The following FANCC variants were observed in gnomAD, a reference collection of about 807,000 sequenced individuals.
FANCC encodes FA complementation group C, also known as Fanconi anemia group C protein.
FANCC carries 55 observed loss-of-function variants against 71.3 expected under a neutral mutation model. That is an observed-to-expected ratio of 0.77 (90% CI 0.62 to 0.97). The LOEUF is 0.97. Among genes scored for constraint, FANCC ranks in the 50% least tolerant of loss-of-function variants. The probability of loss-of-function intolerance (pLI) is 0.00; values close to 1 mark genes in which losing one functional copy is unlikely to be tolerated. For missense variants in FANCC, 678 were observed against 670.9 expected (o/e 1.01, Z -0.12); for synonymous variants, 275 against 244.9 (o/e 1.12, Z -1.15).
chr9:95,144,369 C>A (rs1474093664), intron 7 of FANCC, among the ~76,000 whole-genome samples: 1 of 152,188 alleles, frequency 6.6e-6, no homozygotes, highest in East Asian at 1.9e-4. Flanking sequence ...ACTTTCCAAA[C>A]CAAATAAATT....
intron 6 of FANCC, among the ~76,000 whole-genome samples, chr9:95,166,780 T>C (rs542616036): frequency 6.6e-6 from 1 of 152,252 alleles, no homozygotes; most frequent in Admixed American, 6.5e-5. Context: ...CATCTATAGA[T>C]TTTGGTATGT....
intron 6 of FANCC, 92 bp downstream of exon 6, chr9:95,170,987 A>G (rs1825641239): frequency 1.1e-6 from 1 of 900,060 alleles, no homozygotes; most frequent in Non-Finnish European, 1.9e-6. Context: ...ATAACTGAAC[A>G]TCCATTTCCT....
chr9:95,150,003 A>T lies in FANCC; in HGVS notation c.606T>A (p.Ala202=). 6.2e-7 allele frequency: 1 copy of T among 1,613,958 alleles called. No individual in the cohort carries two copies. The highest frequency in any genetic ancestry group is 8.5e-7 in the Non-Finnish European group (1 of 1,179,994). Residue 202 remains alanine (A), a synonymous_variant, in exon 7 of 15, where the codon GCT becomes GCA. Coordinates refer to ENST00000289081, the MANE Select transcript of FANCC (RefSeq NM_000136.3). ...TLTDVDPLVE[A]LLICHGREPQ... ...GTTCACGTCCATGACAGATGAGGAG[A>T]GCCTCCACCAGGGGGTCAACATCTG...
intron 4 of FANCC, among the ~76,000 whole-genome samples, chr9:95,220,222 G>T (rs1829148807): frequency 6.6e-6 from 1 of 152,138 alleles, no homozygotes; most frequent in Non-Finnish European, 1.5e-5. Flanking sequence ...GAAACAACAG[G>T]TGCTGGAGAG....
At chr9:95,313,990 A>C (rs1357593228) in intron 1 of FANCC, among the ~76,000 whole-genome samples, 1 of 152,230 alleles carries the variant, frequency 6.6e-6, no homozygotes, top group Non-Finnish European at 1.5e-5. Flanking sequence ...CTAATGGTAA[A>C]AGATTAAATG....
At chr9:95,189,105 T>C (rs367775091) in intron 4 of FANCC, among the ~76,000 whole-genome samples, 2 of 152,150 alleles carry the variant, frequency 1.3e-5, no homozygotes, top group Non-Finnish European at 2.9e-5. Context: ...TTTATTCCCA[T>C]CCCTTTTGCA....
rs56154950 is a variant in FANCC at position 95,114,510 on chromosome 9, T to C, written c.1154+119A>G. The C allele has an allele frequency of 5.5e-4, 494 of 905,190 alleles. 1 individual carries two copies. The African/African-American group carries it at 6.9e-3, about 13-fold the overall frequency. 56.1% of individuals were successfully genotyped at this position (905,190 alleles called of 1,614,324 possible). A position where few individuals can be genotyped will look rare whatever the true frequency, so the allele number is the denominator to read the frequency against. On this transcript the variant is annotated intron_variant, in intron 12 of 14. Coordinates refer to ENST00000289081, the MANE Select transcript of FANCC (RefSeq NM_000136.3). ...TTCTCACTTCACCATGGTGCTCACCTGTTTGGTGATGGTCCCAGACCAGTA... is the reference window on the plus strand; with the variant it reads ...TTCTCACTTCACCATGGTGCTCACCCGTTTGGTGATGGTCCCAGACCAGTA...
chr9:95,203,853 A>G (rs1168005323), intron 4 of FANCC, among the ~76,000 whole-genome samples: 1 of 152,170 alleles, frequency 6.6e-6, no homozygotes, highest in African/African-American at 2.4e-5. Flanking sequence ...ATCTGTTGTG[A>G]TATGTTGCTT....
At chr9:95,162,875 A>C (rs1386018508) in intron 6 of FANCC, among the ~76,000 whole-genome samples, 1 of 152,226 alleles carries the variant, frequency 6.6e-6, no homozygotes, top group Non-Finnish European at 1.5e-5. Flanking sequence ...TCCAGATTTA[A>C]GGTTTGAAAA....
intron 12 of FANCC, chr9:95,113,685 C>T (rs1016150320): frequency 6.6e-6 from 1 of 151,348 alleles, no homozygotes. Flanking sequence ...TGCAGTGGCA[C>T]GATCTTGGCT....
intron 12 of FANCC, among the ~76,000 whole-genome samples, chr9:95,111,845 A>AC (rs949129229): frequency 6.6e-6 from 1 of 152,030 alleles, no homozygotes; most frequent in Non-Finnish European, 1.5e-5. Context: ...GCCTCTCAGG[A>AC]CCCCCGTGAG....
chr9:95,148,859 G>C (rs999944368), intron 7 of FANCC, among the ~76,000 whole-genome samples: 1 of 152,132 alleles, frequency 6.6e-6, no homozygotes, highest in Middle Eastern at 3.2e-3. Flanking sequence ...TTCAAATTTT[G>C]GTGAGCTATC....
intron 12 of FANCC, chr9:95,114,330 C>T: frequency 2.5e-6 from 1 of 406,936 alleles, no homozygotes; most frequent in Admixed American, 3.5e-5. Context: ...TCCAAGGCCT[C>T]TTCTTTTTAT....
chr9:95,304,588 C>T (rs1163313431), intron 1 of FANCC, among the ~76,000 whole-genome samples: 2 of 5,562 alleles, frequency 3.6e-4, no homozygotes, highest in Non-Finnish European at 1.8e-3. Context: ...CTACTAAAAA[C>T]GAAAAAAAAA....
At chr9:95,104,618 T>C (rs2071300060) in intron 14 of FANCC, among the ~76,000 whole-genome samples, 2 of 152,112 alleles carry the variant, frequency 1.3e-5, no homozygotes, top group African/African-American at 4.8e-5. Flanking sequence ...GGACTGAAAG[T>C]TTCCTCCGAG....
chr9:95,202,897 T>C (rs1038307925), intron 4 of FANCC, among the ~76,000 whole-genome samples: 10 of 152,170 alleles, frequency 6.6e-5, no homozygotes, highest in Admixed American at 5.9e-4. Flanking sequence ...ATTCCATGAA[T>C]GGCATGAGAT....
chr9:95,314,662 A>C (rs1310014034), intron 1 of FANCC, among the ~76,000 whole-genome samples: 3 of 152,118 alleles, frequency 2.0e-5, no homozygotes, highest in South Asian at 2.1e-4. Flanking sequence ...CAAAAAAAAA[A>C]CAAAAAACTT....
intron 1 of FANCC, among the ~76,000 whole-genome samples, chr9:95,255,782 A>C (rs1831619080): frequency 6.6e-6 from 1 of 152,114 alleles, no homozygotes; most frequent in Non-Finnish European, 1.5e-5. Context: ...AACCCAATGC[A>C]AGGAAGCTAA....
At chr9:95,197,946 T>G (rs1181329630) in intron 4 of FANCC, among the ~76,000 whole-genome samples, 1 of 152,202 alleles carries the variant, frequency 6.6e-6, no homozygotes, top group Non-Finnish European at 1.5e-5. Context: ...TAGGCATCAG[T>G]GGCCAAATTC....
Sources: allele counts gnomAD v4.1 joint callset (sites outside exome capture counted in the v4.1 genomes callset), GRCh38; gene constraint gnomAD v4.1.1; transcripts MANE v1.5; gene names NCBI Gene and HGNC (gene_info 2026-07-23, HGNC 2026-07-21).